PTPRO: variants seen among roughly 807,000 people sequenced by gnomAD.
The protein encoded by PTPRO is protein tyrosine phosphatase receptor type O.
Under a neutral mutation model 145.2 loss-of-function variants are expected in PTPRO, and 62 were observed. The ratio of observed to expected loss-of-function variants is 0.43; its 90% CI spans 0.35 to 0.53. The LOEUF is 0.53. Among genes scored for constraint, PTPRO ranks in the 20% least tolerant of loss-of-function variants. The probability of loss-of-function intolerance (pLI) is 0.01; values close to 1 mark genes in which losing one functional copy is unlikely to be tolerated. For synonymous variants in PTPRO, 565 were observed against 514.7 expected, an observed-to-expected ratio of 1.10 and a Z score of -1.32; for missense variants, 1,345 against 1,482.7, an observed-to-expected ratio of 0.91 and a Z score of 1.53.
rs542487835 is a variant in PTPRO, at chr12:15,326,068, G to A, written c.75+3267G>A. The stretch of plus-strand genomic sequence containing the variant: ...ACTGGCCATTCTACTCTTATCCAGG[G>A]GAAATATCTGTTTTCCACGGTCTGT... On this transcript the variant is annotated intron_variant, in intron 1 of 26. Coordinates refer to ENST00000281171, the MANE Select transcript of PTPRO (RefSeq NM_030667.3). Among the ~76,000 whole-genome samples the A allele has an allele frequency of 2.6e-5, 4 of 152,114 alleles. No homozygotes were observed. In the East Asian group the frequency reaches 7.7e-4, roughly 29 times the overall value.
At chr12:15,428,950 G>A (rs1940357521) in intron 1 of PTPRO, among the ~76,000 whole-genome samples, 1 of 152,140 alleles carries the variant, frequency 6.6e-6, no homozygotes, top group African/African-American at 2.4e-5. Context: ...GCATCCCAGT[G>A]TCTAGGAACT....
At chr12:15,442,895 G>A (rs1001399706) in intron 1 of PTPRO, among the ~76,000 whole-genome samples, 2 of 152,010 alleles carry the variant, frequency 1.3e-5, no homozygotes, top group African/African-American at 2.4e-5. Flanking sequence ...TGGCCATGCT[G>A]CCCAAAGCAA....
intron 1 of PTPRO, among the ~76,000 whole-genome samples, chr12:15,374,448 T>G (rs1482574646): frequency 6.6e-6 from 1 of 152,146 alleles, no homozygotes; most frequent in Non-Finnish European, 1.5e-5. Flanking sequence ...ACAAGAAAGT[T>G]TATGGCTTTT....
Position 15,555,540 on chromosome 12 carries a change from T to C in PTPRO, c.2559-1915T>C, listed in dbSNP as rs1246740930. Among the ~76,000 whole-genome samples, 2 of 152,126 alleles carry C rather than the reference T, an allele frequency of 1.3e-5. 1 individual carries two copies. The highest frequency in any genetic ancestry group is 4.8e-5 in the African/African-American group (2 of 41,436). The stretch of plus-strand genomic sequence containing the variant: ...TAGGAGCATTAACGCAGTAATAACA[T>C]AGCGTAATACTCAACTCATAGGAAG... On this transcript the variant is annotated intron_variant, in intron 15 of 26. Coordinates refer to ENST00000281171, the MANE Select transcript of PTPRO (RefSeq NM_030667.3).
At chr12:15,427,187 T>C (rs951197167) in intron 1 of PTPRO, among the ~76,000 whole-genome samples, 2 of 152,060 alleles carry the variant, frequency 1.3e-5, no homozygotes, top group Admixed American at 1.3e-4. Context: ...TTATTCCCTG[T>C]TCTTTCTATC....
chr12:15,522,474 C>T (rs1252136727), intron 10 of PTPRO, among the ~76,000 whole-genome samples: 4 of 151,088 alleles, frequency 2.6e-5, no homozygotes, highest in Non-Finnish European at 5.9e-5. Context: ...ACATTCATAA[C>T]TAGGTATGCT....
intron 21 of PTPRO, 49 bp downstream of exon 21, chr12:15,580,164 A>G (rs987884055): frequency 1.4e-6 from 2 of 1,419,904 alleles, no homozygotes; most frequent in Non-Finnish European, 2.0e-6. Context: ...CAGCCAGAGA[A>G]AGACTAGCAG....
intron 1 of PTPRO, among the ~76,000 whole-genome samples, chr12:15,405,884 T>C (rs1939635032): frequency 6.6e-6 from 1 of 152,136 alleles, no homozygotes; most frequent in Admixed American, 6.6e-5. Context: ...AGACATGAGG[T>C]ACAGTGACAA....
intron 1 of PTPRO, among the ~76,000 whole-genome samples, chr12:15,434,403 A>G (rs985006374): frequency 3.9e-5 from 6 of 152,208 alleles, no homozygotes; most frequent in African/African-American, 1.4e-4. Flanking sequence ...AAGTAAAGGT[A>G]AAGACTAAGG....
chr12:15,579,991 T>G, intron 20 of PTPRO, 48 bp from the exon 21 acceptor site: 1 of 1,476,224 alleles, frequency 6.8e-7, no homozygotes, highest in South Asian at 1.1e-5. Flanking sequence ...AAAATAATTT[T>G]TCCTTCCATC....
intron 1 of PTPRO, among the ~76,000 whole-genome samples, chr12:15,420,356 T>C (rs927583454): frequency 2.0e-5 from 3 of 151,562 alleles, no homozygotes; most frequent in Non-Finnish European, 4.4e-5. Flanking sequence ...AGCCACTTCA[T>C]ACCTAATCCT....
chr12:15,543,145 C>T (rs1315029048), intron 12 of PTPRO, among the ~76,000 whole-genome samples: 2 of 152,192 alleles, frequency 1.3e-5, no homozygotes, highest in South Asian at 2.1e-4. Flanking sequence ...AGTCCTCAAG[C>T]AGGTGATTTA....
At chr12:15,356,148 T>C (rs956853964) in intron 1 of PTPRO, among the ~76,000 whole-genome samples, 2 of 152,240 alleles carry the variant, frequency 1.3e-5, no homozygotes, top group Non-Finnish European at 2.9e-5. Context: ...TTCAGAATTT[T>C]AATCAGCCAA....
chr12:15,541,534 T>G (rs1044004037), intron 12 of PTPRO, among the ~76,000 whole-genome samples: 1 of 152,194 alleles, frequency 6.6e-6, no homozygotes, highest in Non-Finnish European at 1.5e-5. Flanking sequence ...AAGGTCCAAG[T>G]GTGAGCAGAG....
At chr12:15,520,838 TG>T (rs1277628131) in intron 10 of PTPRO, among the ~76,000 whole-genome samples, 2 of 152,216 alleles carry the variant, frequency 1.3e-5, no homozygotes, top group African/African-American at 4.8e-5. Flanking sequence ...TTTCTAAATA[TG>T]TTTTTTTTAA....
In PTPRO at chr12:15,508,565, G is replaced by A; in HGVS notation, c.1268-6G>A. 2 of 1,613,720 alleles carry A rather than the reference G, an allele frequency of 1.2e-6. No individual in the cohort carries two copies. The highest frequency in any genetic ancestry group is 1.1e-5 in the South Asian group (1 of 91,024). ...CCTCCCCTGTGTTCCAATTTGAAAT[G>A]TGCAGGTCCTTCAGGAGAGTGGATT... is the stretch of plus-strand genomic sequence containing the variant. On this transcript the variant is annotated splice_polypyrimidine_tract_variant and splice_region_variant and intron_variant, in intron 6 of 26. Coordinates refer to ENST00000281171, the MANE Select transcript of PTPRO (RefSeq NM_030667.3).
intron 1 of PTPRO, among the ~76,000 whole-genome samples, chr12:15,431,590 T>C (rs910738860): frequency 1.3e-5 from 2 of 152,280 alleles, no homozygotes; most frequent in African/African-American, 4.8e-5. Context: ...CTAATAATTG[T>C]TATTATTCGA....
intron 12 of PTPRO, among the ~76,000 whole-genome samples, chr12:15,529,518 C>A (rs982192514): frequency 6.6e-6 from 1 of 151,926 alleles, no homozygotes; most frequent in Non-Finnish European, 1.5e-5. Context: ...TGACACATGC[C>A]TGTGGTCCCA....
intron 25 of PTPRO, among the ~76,000 whole-genome samples, chr12:15,592,718 AATG>A (rs1944579394): frequency 6.6e-6 from 1 of 152,232 alleles, no homozygotes; most frequent in African/African-American, 2.4e-5. Flanking sequence ...GTAAAATATG[AATG>A]ATAACTTTCA....
Sources: allele counts gnomAD v4.1 joint callset (sites outside exome capture counted in the v4.1 genomes callset), GRCh38; gene constraint gnomAD v4.1.1; transcripts MANE v1.5; gene names NCBI Gene and HGNC (gene_info 2026-07-23, HGNC 2026-07-21).